Variants in CEP57 observed in about 807,000 individuals in gnomAD.
CEP57 encodes centrosomal protein of 57 kDa.
In CEP57, 40 loss-of-function variants were observed where a neutral mutation model predicts 68.0. That is an observed-to-expected ratio of 0.59 (90% CI 0.46 to 0.77). CEP57 has a LOEUF of 0.77. Ranked by LOEUF, CEP57 falls within the 30% of genes least tolerant of loss-of-function variation. The pLI, the probability that CEP57 is intolerant of heterozygous loss-of-function variation, is 0.00. For synonymous variants in CEP57, 219 were observed against 198.7 expected (o/e 1.10, Z -0.86); for missense variants, 606 against 580.7 (o/e 1.04, Z -0.45).
intron 6 of CEP57, among the ~76,000 whole-genome samples, chr11:95,819,698 C>T (rs924369128): frequency 6.6e-6 from 1 of 152,082 alleles, no homozygotes; most frequent in African/African-American, 2.4e-5. Context: ...GTCTCGATTC[C>T]AAGGAGTAGA....
At chr11:95,814,357 A>AT (rs1170474932) in intron 4 of CEP57, among the ~76,000 whole-genome samples, 1,473 of 109,882 alleles carry the variant, frequency 0.013, 23 homozygotes, top group African/African-American at 0.028. Flanking sequence ...CCTTGTGTGT[A>AT]TTTTTTTTTT....
intron 1 of CEP57, 101 bp downstream of exon 1, chr11:95,790,844 T>C: frequency 7.2e-7 from 1 of 1,394,706 alleles, no homozygotes; most frequent in Non-Finnish European, 1.0e-6. Context: ...CTGACGCAAT[T>C]CTGGAGGTCG....
intron 1 of CEP57, among the ~76,000 whole-genome samples, chr11:95,794,936 T>G (rs887973059): frequency 3.3e-5 from 5 of 152,184 alleles, no homozygotes; most frequent in Non-Finnish European, 5.9e-5. Flanking sequence ...ATTCATCCTA[T>G]CCCCAATGGT....
chr11:95,802,255 ATT>A (rs1054489399), intron 2 of CEP57, among the ~76,000 whole-genome samples: 40 of 138,198 alleles, frequency 2.9e-4, no homozygotes, highest in Admixed American at 4.4e-4. Flanking sequence ...ACGTGACATG[ATT>A]TTTTTTTTTT....
intron 2 of CEP57, among the ~76,000 whole-genome samples, chr11:95,801,316 G>C (rs574170181): frequency 3.9e-5 from 6 of 152,006 alleles, no homozygotes; most frequent in Non-Finnish European, 8.8e-5. Flanking sequence ...ATAAGATACT[G>C]TGTCTCGATG....
At chr11:95,823,333 A>G (rs1346392681) in intron 8 of CEP57, 3 of 152,236 alleles carry the variant, frequency 2.0e-5, no homozygotes, top group African/African-American at 7.2e-5. Context: ...CTTGAACAAC[A>G]TGAGTCCGAA....
At chr11:95,812,340 CT>C (rs1862102074) in intron 2 of CEP57, among the ~76,000 whole-genome samples, 1 of 152,038 alleles carries the variant, frequency 6.6e-6, no homozygotes, top group African/African-American at 2.4e-5. Context: ...TTTTTTACCA[CT>C]TTATAAAAGT....
chr11:95,799,115 A>G (rs1861465989), intron 1 of CEP57, 117 bp from the exon 2 acceptor site: 2 of 945,700 alleles, frequency 2.1e-6, no homozygotes, highest in Non-Finnish European at 1.7e-6. Context: ...GTTTCTAGTC[A>G]GTGGATTTTT....
At chr11:95,828,061 A>C (rs749406132) in intron 9 of CEP57, 34 bp downstream of exon 9, 2 of 1,593,506 alleles carry the variant, frequency 1.3e-6, no homozygotes, top group South Asian at 2.3e-5. Flanking sequence ...AATTCAGTTT[A>C]GCTCTAAAAC....
intron 1 of CEP57, among the ~76,000 whole-genome samples, chr11:95,798,927 C>T (rs1417350625): frequency 6.6e-6 from 1 of 152,098 alleles, no homozygotes; most frequent in Admixed American, 6.5e-5. Flanking sequence ...ACGTATATTT[C>T]ACAGTATATA....
Position 95,813,571 on chromosome 11 carries a change from A to G in CEP57, c.486A>G (p.Thr162=), listed in dbSNP as rs2135321587. Residue 162 remains threonine (T), a synonymous_variant, in exon 4 of 11, where the codon ACA becomes ACG. Transcript: ENST00000325542. ...NMIKHAEMER[T]SVLEKQVSLE... is the part of the protein sequence containing the mutation. ...TAAAGCATGCCGAAATGGAGAGGAC[A>G]TCTGTCTTAGAGAAACAAGTAAGTA... The G allele has an allele frequency of 6.2e-7, 1 of 1,613,152 alleles. No homozygotes were observed. The highest frequency in any genetic ancestry group is 8.5e-7 in the Non-Finnish European group (1 of 1,179,944).
chr11:95,803,132 G>A (rs1230251745), intron 2 of CEP57, among the ~76,000 whole-genome samples: 5 of 152,238 alleles, frequency 3.3e-5, no homozygotes, highest in South Asian at 2.1e-4. Flanking sequence ...TGCATATTTT[G>A]TTGTGGGGAA....
intron 7 of CEP57, chr11:95,822,204 G>A (rs553879690): frequency 3.1e-4 from 184 of 585,784 alleles, no homozygotes; most frequent in Middle Eastern, 9.1e-4. Context: ...TACAAAATTA[G>A]CATTATTAGT....
chr11:95,802,551 C>T (rs940299381), intron 2 of CEP57, among the ~76,000 whole-genome samples: 1 of 152,146 alleles, frequency 6.6e-6, no homozygotes, highest in South Asian at 2.1e-4. Flanking sequence ...CCGTGCCTGG[C>T]AAACCTGACA....
intron 2 of CEP57, among the ~76,000 whole-genome samples, chr11:95,804,385 T>C (rs1370609408): frequency 1.3e-5 from 2 of 152,140 alleles, no homozygotes; most frequent in African/African-American, 2.4e-5. Context: ...CCTAAAACCT[T>C]AGGGACAGTA....
chr11:95,822,677 G>GTGTCTTTACCAGTGTGTGGATCA (rs2135355088), intron 8 of CEP57, 101 bp downstream of exon 8: 2 of 887,478 alleles, frequency 2.3e-6, no homozygotes, highest in Non-Finnish European at 1.9e-6. Context: ...ACATTTTTCT[G>GTGTCTTTACCAGTGTGTGGATCA]TGCCTTTACC....
rs1253613218 is a variant in CEP57 at position 95,827,766 on chromosome 11, C to T, written c.886-20C>T. The T allele has an allele frequency of 1.2e-6, 2 of 1,613,478 alleles. No individual in the cohort carries two copies. Among genetic ancestry groups the T allele is most frequent in the Non-Finnish European group, 1.7e-6 (2 of 1,179,952 alleles). ...AGAATATAACTTCAATTACTTCTTT[C>T]ATCATTTTTCTTCCTTTAGTCCACA... On this transcript the variant is annotated intron_variant, in intron 8 of 10. Coordinates refer to ENST00000325542, the MANE Select transcript of CEP57 (RefSeq NM_014679.5).
chr11:95,809,373 A>G (rs910259016), intron 2 of CEP57, among the ~76,000 whole-genome samples: 1 of 152,234 alleles, frequency 6.6e-6, no homozygotes, highest in Non-Finnish European at 1.5e-5. Flanking sequence ...TGAAGGAGAT[A>G]GAGACACAAA....
chr11:95,790,390 ACG>A (rs1354306311), upstream of CEP57: 18 of 483,150 alleles, frequency 3.7e-5, no homozygotes, highest in African/African-American at 3.3e-4. Context: ...GGGCCCCGTT[ACG>A]CGCTACCTTG....
Sources: allele counts gnomAD v4.1 joint callset (sites outside exome capture counted in the v4.1 genomes callset), GRCh38; gene constraint gnomAD v4.1.1; transcripts MANE v1.5; gene names NCBI Gene and HGNC (gene_info 2026-07-23, HGNC 2026-07-21).